Variants in SVIP observed in about 807,000 individuals in gnomAD.
The protein encoded by SVIP is small VCP/p97-interacting protein.
Under a neutral mutation model 12.9 loss-of-function variants are expected in SVIP, and 14 were observed. That is an observed-to-expected ratio of 1.08 (90% CI 0.72 to 1.70). SVIP has a LOEUF of 1.70. Ranked by LOEUF, SVIP falls within the 40% of genes most tolerant of loss-of-function variation. The pLI, the probability that SVIP is intolerant of heterozygous loss-of-function variation, is 0.00. For synonymous variants in SVIP, 35 were observed against 33.3 expected (o/e 1.05, Z -0.17); for missense variants, 93 against 90.8 (o/e 1.02, Z -0.10).
chr11:22,829,656 A>C (rs1399997683), intron 1 of SVIP, 39 bp downstream of exon 1: 1 of 1,555,148 alleles, frequency 6.4e-7, no homozygotes, highest in African/African-American at 1.4e-5. Flanking sequence ...CAGGTGCTCA[A>C]GGCGCGGCCC....
At chr11:22,826,593 A>G (rs907954539) in intron 3 of SVIP, among the ~76,000 whole-genome samples, 1 of 152,186 alleles carries the variant, frequency 6.6e-6, no homozygotes, top group Non-Finnish European at 1.5e-5. Context: ...TAGAGTGTAA[A>G]GACTCCAGCA....
At chr11:22,829,454 C>T (rs923213068) in intron 1 of SVIP, 7 of 432,724 alleles carry the variant, frequency 1.6e-5, no homozygotes, top group African/African-American at 8.3e-5. Flanking sequence ...GGTAGAAAGA[C>T]GCCACAGCCG....
chr11:22,826,243 T>C (rs1049234270), intron 3 of SVIP, among the ~76,000 whole-genome samples: 9 of 152,194 alleles, frequency 5.9e-5, no homozygotes, highest in African/African-American at 1.9e-4. Context: ...TGTGATATTC[T>C]TGAGCCAGAA....
chr11:22,827,144 T>G (rs1857740146), intron 3 of SVIP, 63 bp downstream of exon 3: 7 of 1,245,564 alleles, frequency 5.6e-6, no homozygotes, highest in Non-Finnish European at 8.2e-6. Flanking sequence ...TATGAATGGA[T>G]TGCTACTTAA....
rs1132128 is a variant in SVIP at position 22,827,825 on chromosome 11, T to G, written c.104A>C (p.Glu35Ala). ...GCAAAACTTGATCTTTAATCTTACC[T>G]CTTTTTGTCTTCTCTCTGCAGCCTC... ...LAEAAERRQK[E>A]AASRGILDVQ... The change falls in exon 2 of 4, where the codon GAG becomes GCG. Residue 35 changes from glutamate (E) to alanine (A), a missense_variant and splice_region_variant. Physicochemically the swap from Glu to Ala is moderately radical, Grantham distance 107 (BLOSUM62 -1). Coordinates refer to ENST00000354193, the MANE Select transcript of SVIP (RefSeq NM_148893.3). 8.9e-6 allele frequency: 14 copies of G among 1,579,574 alleles called. No individual in the cohort carries two copies. The highest frequency in any genetic ancestry group is 1.1e-5 in the Non-Finnish European group (13 of 1,164,172).
In SVIP at chr11:22,829,771, T is replaced by G. The variant is rs1214785264; in HGVS notation, c.-23A>C. The G allele has an allele frequency of 6.3e-7, 1 of 1,596,644 alleles. No homozygotes were observed. The highest frequency in any genetic ancestry group is 8.5e-7 in the Non-Finnish European group (1 of 1,172,632). Reference sequence around the variant, plus strand: ...CATAGGGACGACAGCTTGAGAACCCTGACCGGGTCCGGCCCAGGCCAGGCG... The same window carrying G: ...CATAGGGACGACAGCTTGAGAACCCGGACCGGGTCCGGCCCAGGCCAGGCG... On this transcript the variant is annotated 5_prime_UTR_variant, in exon 1 of 4. Transcript: ENST00000354193.
chr11:22,824,118 A>G (rs550311228), intron 3 of SVIP, among the ~76,000 whole-genome samples: 31 of 152,318 alleles, frequency 2.0e-4, no homozygotes, highest in African/African-American at 6.7e-4. Context: ...TGAACCTGCT[A>G]TTCAGTAGCA....
rs1326521145 is a variant in SVIP, at chr11:22,822,511, CAG to C, written c.*606_*607del. 1 of 152,030 alleles carries C rather than the reference CAG, an allele frequency of 6.6e-6. No homozygotes were observed. The highest frequency in any genetic ancestry group is 1.5e-5 in the Non-Finnish European group (1 of 67,948). 9.4% of individuals were successfully genotyped at this position (152,030 alleles called of 1,614,324 possible). On this transcript the variant is annotated 3_prime_UTR_variant, in exon 4 of 4. Transcript: ENST00000354193. ...AAAAATCCTTTATCATAAAGTAAAACAGGGTATGTTAATTTTATAAGCTACAT... is the reference window on the plus strand; with the variant it reads ...AAAAATCCTTTATCATAAAGTAAAACGGTATGTTAATTTTATAAGCTACAT...
intron 1 of SVIP, 112 bp from the exon 2 acceptor site, chr11:22,827,986 C>T: frequency 1.4e-6 from 1 of 713,518 alleles, no homozygotes; most frequent in Non-Finnish European, 2.1e-6. Flanking sequence ...CGGTACTGGC[C>T]CTAAATGTCC....
chr11:22,827,866 TTTCTC>T lies in SVIP; in HGVS notation c.58_62del (p.Glu20LysfsTer52). On this transcript the variant is annotated frameshift_variant, in exon 2 of 4. Coordinates refer to ENST00000354193, the MANE Select transcript of SVIP (RefSeq NM_148893.3). LOFTEE classifies it high-confidence loss of function. ...CTGCAGCCTCTGCAAGCTTTGCTCTTTTCTCTTCCTAAATAAATGTGTAAAAATAT... is the reference window on the plus strand; with the variant it reads ...CTGCAGCCTCTGCAAGCTTTGCTCTTTTCCTAAATAAATGTGTAAAAATAT... 1 of 1,575,088 alleles carries T rather than the reference TTTCTC, an allele frequency of 6.3e-7. No homozygotes were observed. Among genetic ancestry groups the T allele is most frequent in the Non-Finnish European group, 8.6e-7 (1 of 1,161,834 alleles).
At position 22,822,981 on chromosome 11, in the gene SVIP, G is replaced by GC. The variant is rs1857536987; in HGVS notation, c.*137dup. 1 of 651,404 alleles carries GC rather than the reference G, an allele frequency of 1.5e-6. No individual in the cohort carries two copies. 40.4% of individuals were successfully genotyped at this position (651,404 alleles called of 1,614,324 possible). A position where few individuals can be genotyped will look rare whatever the true frequency, so the allele number is the denominator to read the frequency against. ...AAGCTTGAAAATCAACGTTTTTTTA[G>GC]CATTGCACTTAAGGGCAATAATATT... On this transcript the variant is annotated 3_prime_UTR_variant, in exon 4 of 4. Transcript: ENST00000354193.
chr11:22,824,065 G>C (rs1052062964), intron 3 of SVIP, among the ~76,000 whole-genome samples: 22 of 152,140 alleles, frequency 1.4e-4, no homozygotes, highest in African/African-American at 4.8e-4. Flanking sequence ...ACATGCATGA[G>C]TATTCTGTCC....
At chr11:22,827,629 T>C (rs1857766702) in intron 2 of SVIP, among the ~76,000 whole-genome samples, 195 bp downstream of exon 2, 1 of 152,176 alleles carries the variant, frequency 6.6e-6, no homozygotes, top group Admixed American at 6.5e-5. Flanking sequence ...GATATGATAG[T>C]TTTCATATAT....
In SVIP at chr11:22,823,024, A is replaced by C; in HGVS notation, c.*95T>G. ...ATAATATTACAAAGTCTGAATCTTC[A>C]TTTACTCAAAGAGAAGAAATTAAAT... On this transcript the variant is annotated 3_prime_UTR_variant, in exon 4 of 4. Transcript: ENST00000354193. The C allele has an allele frequency of 1.8e-6, 2 of 1,114,714 alleles. No homozygotes were observed. The highest frequency in any genetic ancestry group is 2.5e-6 in the Non-Finnish European group (2 of 792,252). 69.1% of individuals were successfully genotyped at this position (1,114,714 alleles called of 1,614,324 possible).
chr11:22,823,714 T>G (rs574138675), intron 3 of SVIP, among the ~76,000 whole-genome samples: 63 of 152,248 alleles, frequency 4.1e-4, no homozygotes, highest in Non-Finnish European at 8.5e-4. Flanking sequence ...TCACTCCACG[T>G]TAAATGTTTT....
chr11:22,829,591 G>T, intron 1 of SVIP, 104 bp downstream of exon 1: 1 of 1,208,828 alleles, frequency 8.3e-7, no homozygotes, highest in Non-Finnish European at 1.2e-6. Flanking sequence ...CCCCCAGCGG[G>T]CTCTCGACCT....
At chr11:22,826,714 C>A (rs1857719302) in intron 3 of SVIP, among the ~76,000 whole-genome samples, 1 of 151,988 alleles carries the variant, frequency 6.6e-6, no homozygotes, top group South Asian at 2.1e-4. Flanking sequence ...ATTCTGTAAT[C>A]CAAATTAACA....
intron 3 of SVIP, among the ~76,000 whole-genome samples, chr11:22,824,459 T>TAC (rs56365649): frequency 7.0e-6 from 1 of 143,710 alleles, no homozygotes. Context: ...TATATATATA[T>TAC]ACACATATAT....
rs1219449356 is a variant in SVIP at position 22,820,518 on chromosome 11, C to T, written c.*2601G>A. The T allele has an allele frequency of 6.6e-6, 1 of 152,110 alleles. No individual in the cohort carries two copies. Among genetic ancestry groups the T allele is most frequent in the African/African-American group, 2.4e-5 (1 of 41,418 alleles). 9.4% of individuals were successfully genotyped at this position (152,110 alleles called of 1,614,324 possible). A position where few individuals can be genotyped will look rare whatever the true frequency, so the allele number is the denominator to read the frequency against. ...TGAATCCCAATGTGATTAAAATGTT[C>T]CTGAGGTTTCCCTAACCACCAACTC... On this transcript the variant is annotated 3_prime_UTR_variant, in exon 4 of 4. Coordinates refer to ENST00000354193, the MANE Select transcript of SVIP (RefSeq NM_148893.3).
Sources: allele counts gnomAD v4.1 joint callset (sites outside exome capture counted in the v4.1 genomes callset), GRCh38; gene constraint gnomAD v4.1.1; transcripts MANE v1.5; gene names NCBI Gene and HGNC (gene_info 2026-07-23, HGNC 2026-07-21).